STRBP: variants seen among roughly 807,000 people sequenced by gnomAD.
STRBP encodes the protein spermatid perinuclear RNA binding protein.
STRBP carries 13 observed loss-of-function variants against 80.1 expected under a neutral mutation model. That is an observed-to-expected ratio of 0.16 (90% confidence interval 0.11 to 0.26). STRBP has a LOEUF of 0.26. Among genes scored for constraint, STRBP ranks in the 10% least tolerant of loss-of-function variants. The pLI is 1.00. For synonymous variants in STRBP, 284 were observed against 291.2 expected (o/e 0.98, Z 0.25); for missense variants, 485 against 815.2 (o/e 0.59, Z 4.93).
intron 2 of STRBP, among the ~76,000 whole-genome samples, chr9:123,219,719 A>G (rs754205125): frequency 2.6e-5 from 4 of 152,306 alleles, no homozygotes; most frequent in Middle Eastern, 3.4e-3. Flanking sequence ...TAAATCCACT[A>G]TTTTCTAGCT....
intron 2 of STRBP, among the ~76,000 whole-genome samples, chr9:123,198,957 T>C (rs2039209020): frequency 6.6e-6 from 1 of 152,208 alleles, no homozygotes; most frequent in South Asian, 2.1e-4. Flanking sequence ...TCCCTACTTC[T>C]TTTTTTGAGA....
intron 5 of STRBP, among the ~76,000 whole-genome samples, chr9:123,170,626 G>T (rs1291679352): frequency 6.6e-6 from 1 of 152,172 alleles, no homozygotes; most frequent in Non-Finnish European, 1.5e-5. Context: ...AGGTCTCAGA[G>T]ATCTTCCAAT....
chr9:123,260,449 T>G (rs2041136648), intron 1 of STRBP, among the ~76,000 whole-genome samples: 2 of 152,196 alleles, frequency 1.3e-5, no homozygotes. Flanking sequence ...AAGCACAAAA[T>G]AACTTCATGA....
At chr9:123,146,720 A>C in intron 13 of STRBP, 135 bp downstream of exon 13, 1 of 775,974 alleles carries the variant, frequency 1.3e-6, no homozygotes, top group Non-Finnish European at 1.8e-6. Context: ...TTTGTTATCC[A>C]GAAGTAACAA....
rs1426118081 is a variant in STRBP, at chr9:123,146,972, T to G, written c.1221A>C (p.Leu407=). The G allele has an allele frequency of 6.2e-7, 1 of 1,614,014 alleles. No homozygotes were observed. Among genetic ancestry groups the G allele is most frequent in the Non-Finnish European group, 8.5e-7 (1 of 1,180,012 alleles). Residue 407 remains leucine (L), a synonymous_variant, in exon 13 of 19, where the codon CTA becomes CTC. Transcript: ENST00000348403. The part of the protein sequence containing the change: ...QIRPGLQYKL[L]SQSGPVHAPV... Reference sequence around the variant, plus strand: ...GGGCATGAACGGGGCCAGACTGAGATAGGAGCTTATACTGAAGCCCAGGCC... The same window carrying G: ...GGGCATGAACGGGGCCAGACTGAGAGAGGAGCTTATACTGAAGCCCAGGCC...
chr9:123,190,683 A>T (rs887301087), intron 2 of STRBP, among the ~76,000 whole-genome samples: 1 of 152,270 alleles, frequency 6.6e-6, no homozygotes, highest in South Asian at 2.1e-4. Context: ...TACAAAGAAG[A>T]TGCGACGGCT....
chr9:123,222,228 G>C (rs2040090470), intron 2 of STRBP, among the ~76,000 whole-genome samples: 1 of 141,442 alleles, frequency 7.1e-6, no homozygotes, highest in Non-Finnish European at 1.5e-5. Context: ...TGTTCAAGTT[G>C]TCTCAAATTT....
chr9:123,137,149 A>T (rs372980597), intron 14 of STRBP, among the ~76,000 whole-genome samples: 9 of 152,228 alleles, frequency 5.9e-5, no homozygotes, highest in African/African-American at 1.9e-4. Context: ...ATGCTATGGA[A>T]ATAACTGATT....
chr9:123,209,022 G>A (rs2039619362), intron 2 of STRBP, among the ~76,000 whole-genome samples: 1 of 152,152 alleles, frequency 6.6e-6, no homozygotes, highest in Non-Finnish European at 1.5e-5. Flanking sequence ...CTCAGGCAGA[G>A]AACAGGAGTA....
At chr9:123,255,346 G>A (rs2132640027) in intron 1 of STRBP, among the ~76,000 whole-genome samples, 1 of 152,328 alleles carries the variant, frequency 6.6e-6, no homozygotes, top group South Asian at 2.1e-4. Flanking sequence ...TATGGCAAAA[G>A]CATGCAAACC....
intron 6 of STRBP, among the ~76,000 whole-genome samples, chr9:123,161,962 GCTT>G (rs941516919): frequency 6.6e-6 from 1 of 152,238 alleles, no homozygotes; most frequent in Non-Finnish European, 1.5e-5. Flanking sequence ...ATATGCAAAT[GCTT>G]CTTGAGTAAT....
In STRBP at chr9:123,158,433, T is replaced by C; in HGVS notation, c.836-4A>G. The C allele has an allele frequency of 6.2e-7, 1 of 1,612,998 alleles. No homozygotes were observed. ...GGATCATGAAGACCAGGACCCCCTT[T>C]GGCAAAGGAAAAACACAAGTATCAT... is the stretch of plus-strand genomic sequence containing the variant. On this transcript the variant is annotated splice_region_variant and splice_polypyrimidine_tract_variant and intron_variant, in intron 9 of 18. Transcript: ENST00000348403.
intron 11 of STRBP, among the ~76,000 whole-genome samples, chr9:123,148,205 G>A (rs1016779114): frequency 2.6e-5 from 4 of 152,128 alleles, no homozygotes; most frequent in African/African-American, 9.7e-5. Context: ...TTAGGTGGTG[G>A]GGAACCTGGA....
intron 16 of STRBP, 66 bp from the exon 17 acceptor site, chr9:123,133,034 T>C: frequency 6.3e-7 from 1 of 1,578,774 alleles, no homozygotes. Flanking sequence ...CTATCATCTC[T>C]TCAACGCACA....
rs765178593 is a variant in STRBP at position 123,136,781 on chromosome 9, A to C, written c.1498-266T>G. On this transcript the variant is annotated intron_variant, in intron 14 of 18. Transcript: ENST00000348403. This position sits in a 1 kb window ranked among gnomAD's most constrained non-coding sequence, Gnocchi z 4.2. ...CAATGCAACCTCACCACTGTGGGCCACTCCAGGCTCTGCTCTGTAGTGTTC... is the reference window on the plus strand; with the variant it reads ...CAATGCAACCTCACCACTGTGGGCCCCTCCAGGCTCTGCTCTGTAGTGTTC... 6.6e-6 allele frequency among the ~76,000 whole-genome samples: 1 copy of C among 152,088 alleles called. No homozygotes were observed. The highest frequency in any genetic ancestry group is 1.5e-5 in the Non-Finnish European group (1 of 68,032).
At position 123,199,952 on chromosome 9, in the gene STRBP, C is replaced by T. The variant is rs187468428; in HGVS notation, c.-164-15654G>A. 2.4e-4 allele frequency among the ~76,000 whole-genome samples: 36 copies of T among 152,252 alleles called. No individual in the cohort carries two copies. In the East Asian group the frequency reaches 4.6e-3, roughly 20 times the overall value. On this transcript the variant is annotated intron_variant, in intron 2 of 18. Transcript: ENST00000348403. ...GGCATCCTTGTCTTGTTCCTGCTCT[C>T]GGGGAAATGCTTTCAACTTTTCCCC...
At chr9:123,268,004 CCCA>C (rs1174602633) in intron 1 of STRBP, among the ~76,000 whole-genome samples, 1 of 151,308 alleles carries the variant, frequency 6.6e-6, no homozygotes, top group Non-Finnish European at 1.5e-5. Context: ...CCCAAATCTG[CCCA>C]CACCTTCCGC....
chr9:123,152,422 T>A (rs1564241618), intron 11 of STRBP, among the ~76,000 whole-genome samples: 1 of 152,070 alleles, frequency 6.6e-6, no homozygotes, highest in African/African-American at 2.4e-5. Context: ...CGTGTATATA[T>A]ATATGATTGT....
intron 1 of STRBP, among the ~76,000 whole-genome samples, chr9:123,237,769 C>G (rs921954667): frequency 3.9e-5 from 6 of 152,160 alleles, no homozygotes; most frequent in Non-Finnish European, 8.8e-5. Context: ...TGGCAAACCC[C>G]TTACAGCGGG....
Sources: gnomAD v4.1 joint callset for allele counts (sites outside exome capture counted in the v4.1 genomes callset) on GRCh38, gnomAD v4.1.1 for gene constraint, Gnocchi (gnomAD v3.1) non-coding constraint, MANE v1.5 for transcripts, NCBI Gene and HGNC (gene_info 2026-07-23, HGNC 2026-07-21) for gene names.